The following PTPRD variants were observed in gnomAD, a reference collection of about 807,000 sequenced individuals.
PTPRD encodes the protein protein tyrosine phosphatase receptor type D.
Under a neutral mutation model 214.5 loss-of-function variants are expected in PTPRD, and 34 were observed. The observed-to-expected ratio is 0.16, with a 90% CI of 0.12 to 0.21. The LOEUF is 0.21. Among genes scored for constraint, PTPRD ranks in the 10% least tolerant of loss-of-function variants. PTPRD has a pLI of 1.00. For synonymous variants in PTPRD, 1,128 were observed against 845.7 expected (o/e 1.33, Z -5.79); for missense variants, 2,545 against 2,398.7 (o/e 1.06, Z -1.27).
intron 2 of PTPRD, among the ~76,000 whole-genome samples, chr9:10,458,731 A>C (rs1025461235): frequency 2.6e-5 from 4 of 152,210 alleles, no homozygotes; most frequent in African/African-American, 9.6e-5. Context: ...CCAAGTAAAA[A>C]AGGAAGAAGA....
rs869076374 is a variant in PTPRD, at chr9:9,328,618, C to CTTTTTTTTTTTTTTTTTTTTTTTTT, written c.-203+68806_-203+68830dup. ...ACATTTTCTTTTGTTGTTGTTCTTG[C>CTTTTTTTTTTTTTTTTTTTTTTTTT]TTTTTTTTTTTTTTTTTTTTTTTTT... On this transcript the variant is annotated intron_variant, in intron 9 of 45. Transcript: ENST00000381196. Among the ~76,000 whole-genome samples the CTTTTTTTTTTTTTTTTTTTTTTTTT allele has an allele frequency of 2.0e-3, 57 of 28,230 alleles. 20 individuals are homozygous for CTTTTTTTTTTTTTTTTTTTTTTTTT. The highest frequency in any genetic ancestry group is 2.7e-3 in the Non-Finnish European group (41 of 15,454). 18.5% of individuals were successfully genotyped at this position (28,230 alleles called of 152,430 possible). A position where few individuals can be genotyped will look rare whatever the true frequency, so the allele number is the denominator to read the frequency against.
rs115754716 is a variant in PTPRD, at chr9:9,017,558, C to T, written c.-104+1139G>A. On this transcript the variant is annotated intron_variant, in intron 11 of 45. Transcript: ENST00000381196. ...GATTTATTTCACCTCCTTAAATGCACAATTTTCAGTTTTTTAGAATCAAGT... is the reference window on the plus strand; with the variant it reads ...GATTTATTTCACCTCCTTAAATGCATAATTTTCAGTTTTTTAGAATCAAGT... 6.8e-3 allele frequency among the ~76,000 whole-genome samples: 1,034 copies of T among 152,188 alleles called. 8 individuals carry two copies. Among genetic ancestry groups the T allele is most frequent in the African/African-American group, 0.023 (949 of 41,520 alleles).
chr9:8,400,424 G>C (rs1030877450), intron 36 of PTPRD, among the ~76,000 whole-genome samples: 3 of 152,156 alleles, frequency 2.0e-5, no homozygotes, highest in Non-Finnish European at 4.4e-5. Flanking sequence ...TGATGCATTT[G>C]ATGATTCCCA....
Position 10,263,154 on chromosome 9 carries a change from T to C in PTPRD, c.-545+77809A>G, listed in dbSNP as rs139079823. ...TATAAATTACTCAGTCTCAGGTATG[T>C]CTTTATCAGCAGCATAGCAACAAAC... On this transcript the variant is annotated intron_variant, in intron 3 of 45. Transcript: ENST00000381196. Among the ~76,000 whole-genome samples, 1,283 of 152,272 alleles carry C rather than the reference T, an allele frequency of 8.4e-3. 17 individuals carry two copies. The highest frequency in any genetic ancestry group is 0.029 in the African/African-American group (1,214 of 41,540).
intron 2 of PTPRD, among the ~76,000 whole-genome samples, chr9:10,464,177 A>T (rs35343838): frequency 0.049 from 7,421 of 152,074 alleles, 622 homozygotes; most frequent in African/African-American, 0.17. Context: ...GCGGGTGGAT[A>T]ACTTGAGGTC....
At chr9:9,490,252 C>G (rs1040077165) in intron 8 of PTPRD, among the ~76,000 whole-genome samples, 2 of 151,912 alleles carry the variant, frequency 1.3e-5, no homozygotes, top group East Asian at 3.9e-4. Flanking sequence ...GCAAAAAAAG[C>G]TCAAGGGAAT....
In PTPRD at chr9:9,117,933, C is replaced by T. The variant is rs142374637; in HGVS notation, c.-143+65371G>A. ...GGTTTTGTGGCATCTGAAGTTTACA[C>T]GATGTTGATGCTGTTTTTTTGGAAA... On this transcript the variant is annotated intron_variant, in intron 10 of 45. Transcript: ENST00000381196. Among the ~76,000 whole-genome samples the T allele has an allele frequency of 3.3e-4, 50 of 151,932 alleles. No homozygotes were observed. In the East Asian group the frequency reaches 7.2e-3, roughly 22 times the overall value.
rs1176417662 is a variant in PTPRD at position 10,608,049 on chromosome 9, T to C, written c.-600+4349A>G. The stretch of plus-strand genomic sequence containing the variant: ...ATCTTTTATTTTTGAAGTTCTCAAT[T>C]TCCTCTTTAAAATGCAAGGGTTCAA... On this transcript the variant is annotated intron_variant, in intron 2 of 45. Transcript: ENST00000381196. Among the ~76,000 whole-genome samples the C allele has an allele frequency of 2.0e-5, 3 of 151,988 alleles. No homozygotes were observed. The East Asian group carries it at 5.8e-4, about 29-fold the overall frequency.
chr9:10,018,472 T>C (rs1233791634), intron 4 of PTPRD, among the ~76,000 whole-genome samples: 2 of 150,942 alleles, frequency 1.3e-5, no homozygotes, highest in Non-Finnish European at 3.0e-5. Context: ...TTTTTAAGCT[T>C]TTAAAAATAT....
At chr9:8,479,778 T>G (rs181158079) in intron 30 of PTPRD, among the ~76,000 whole-genome samples, 76 of 152,346 alleles carry the variant, frequency 5.0e-4, no homozygotes, top group Non-Finnish European at 6.9e-4. Flanking sequence ...CTGAAGAATA[T>G]ACTATACTAT....
chr9:9,547,549 G>A (rs666041), intron 8 of PTPRD, among the ~76,000 whole-genome samples: 19,270 of 151,858 alleles, frequency 0.13, 1,251 homozygotes, highest in East Asian at 0.15. Flanking sequence ...AATGCATGTA[G>A]AGTGTGTGAT....
chr9:8,798,020 G>C (rs1429850885), intron 11 of PTPRD, among the ~76,000 whole-genome samples: 1 of 151,984 alleles, frequency 6.6e-6, no homozygotes, highest in Admixed American at 6.6e-5. Context: ...CAAGAGAAAT[G>C]GTAACTTGAG....
In PTPRD at chr9:8,642,081, C is replaced by T. The variant is rs537314569; in HGVS notation, c.65-5237G>A. Among the ~76,000 whole-genome samples the T allele has an allele frequency of 2.3e-4, 35 of 152,198 alleles. No individual in the cohort carries two copies. The South Asian group carries it at 6.8e-3, about 30-fold the overall frequency. On this transcript the variant is annotated intron_variant, in intron 12 of 45. Coordinates refer to ENST00000381196, the MANE Select transcript of PTPRD (RefSeq NM_002839.4). ...AGCCATTGAAGTCCACCAGTAACAT[C>T]CACAGATGAATGCAATTTATGAGAA...
intron 11 of PTPRD, among the ~76,000 whole-genome samples, chr9:9,008,313 C>T (rs952556708): frequency 2.5e-4 from 38 of 151,376 alleles, no homozygotes; most frequent in African/African-American, 7.5e-4. Flanking sequence ...CTGCAAGCTC[C>T]GCCTCCCCAG....
At chr9:8,537,350 A>C (rs1027939079) in intron 14 of PTPRD, among the ~76,000 whole-genome samples, 8 of 152,066 alleles carry the variant, frequency 5.3e-5, no homozygotes, top group African/African-American at 9.7e-5. Context: ...AGAAAAAAAA[A>C]CTGACAGTTA....
intron 10 of PTPRD, among the ~76,000 whole-genome samples, chr9:9,143,895 G>A (rs1202618027): frequency 1.3e-5 from 2 of 152,274 alleles, no homozygotes; most frequent in East Asian, 3.9e-4. Context: ...CCTCTTACAC[G>A]TAATACCTCA....
intron 10 of PTPRD, among the ~76,000 whole-genome samples, chr9:9,038,252 C>T (rs1027515384): frequency 3.9e-5 from 6 of 152,074 alleles, no homozygotes; most frequent in Admixed American, 1.3e-4. Context: ...TTTGATAGCA[C>T]GTTAAGGAGC....
At chr9:10,070,787 C>G (rs1327811899) in intron 3 of PTPRD, among the ~76,000 whole-genome samples, 1 of 151,882 alleles carries the variant, frequency 6.6e-6, no homozygotes, top group African/African-American at 2.4e-5. Flanking sequence ...AGACTCTCCA[C>G]CGGCCACTAT....
chr9:8,533,094 C>G (rs10758980), intron 14 of PTPRD, among the ~76,000 whole-genome samples: 22,134 of 151,992 alleles, frequency 0.15, 1,936 homozygotes, highest in East Asian at 0.27. Flanking sequence ...GATTTGTTCA[C>G]TTAAACTGTT....
Sources: gnomAD v4.1 joint callset for allele counts (sites outside exome capture counted in the v4.1 genomes callset) on GRCh38, gnomAD v4.1.1 for gene constraint, MANE v1.5 for transcripts, NCBI Gene and HGNC (gene_info 2026-07-23, HGNC 2026-07-21) for gene names.